Variants in STMN2 observed in about 807,000 individuals in gnomAD.
STMN2 encodes the protein stathmin 2.
In STMN2, 2 loss-of-function variants were observed where a neutral mutation model predicts 24.1. That is an observed-to-expected ratio of 0.08 (90% CI 0.03 to 0.26). The LOEUF (loss-of-function observed/expected upper bound fraction) is 0.26, where lower values mean the gene tolerates loss of function less well. Ranked by LOEUF, STMN2 falls within the 10% of genes least tolerant of loss-of-function variation. STMN2 has a pLI of 1.00. For synonymous variants in STMN2, 83 were observed against 77.5 expected, an observed-to-expected ratio of 1.07 and a Z score of -0.37; for missense variants, 114 against 213.6, an observed-to-expected ratio of 0.53 and a Z score of 2.91.
At chr8:79,645,937 C>T (rs1411828899) in intron 3 of STMN2, among the ~76,000 whole-genome samples, 1 of 152,090 alleles carries the variant, frequency 6.6e-6, no homozygotes, top group Non-Finnish European at 1.5e-5. Context: ...ATTATAAACT[C>T]CATGAAGATA....
intron 1 of STMN2, among the ~76,000 whole-genome samples, chr8:79,629,115 G>A (rs1229655163): frequency 2.6e-5 from 4 of 152,058 alleles, no homozygotes; most frequent in Non-Finnish European, 4.4e-5. Flanking sequence ...GGATGCTGAG[G>A]ATAATTACAC....
chr8:79,643,132 T>C (rs1810141636), intron 3 of STMN2, among the ~76,000 whole-genome samples: 1 of 107,466 alleles, frequency 9.3e-6, no homozygotes, highest in Non-Finnish European at 1.9e-5. Flanking sequence ...TTAATATTGG[T>C]GTGTGTATGT....
intron 3 of STMN2, among the ~76,000 whole-genome samples, chr8:79,649,027 C>G (rs1018760901): frequency 5.3e-5 from 8 of 152,126 alleles, no homozygotes; most frequent in Non-Finnish European, 1.0e-4. Flanking sequence ...AGTCACTAAG[C>G]CTCTGAAAGG....
chr8:79,637,218 A>ACTCCAATTAT (rs1422395476), intron 2 of STMN2, among the ~76,000 whole-genome samples: 1 of 152,256 alleles, frequency 6.6e-6, no homozygotes, highest in Admixed American at 6.5e-5. Flanking sequence ...TAATTGGAGT[A>ACTCCAATTAT]GATCATAATT....
intron 1 of STMN2, among the ~76,000 whole-genome samples, chr8:79,628,404 G>A (rs907034057): frequency 2.0e-5 from 3 of 152,118 alleles, no homozygotes; most frequent in Non-Finnish European, 4.4e-5. Context: ...GTCCACCTCA[G>A]ACTCCCAAAG....
intron 1 of STMN2, chr8:79,621,076 C>T: frequency 1.0e-6 from 1 of 955,850 alleles, no homozygotes; most frequent in Non-Finnish European, 1.2e-6. Context: ...TCAGCTCTGC[C>T]CTTCTCCACC....
At chr8:79,652,625 A>T (rs1810358117) in intron 3 of STMN2, among the ~76,000 whole-genome samples, 1 of 152,100 alleles carries the variant, frequency 6.6e-6, no homozygotes, top group Non-Finnish European at 1.5e-5. Flanking sequence ...TCCTTGTCAC[A>T]AGTGTCTTAA....
chr8:79,647,018 G>T (rs1430851787), intron 3 of STMN2, among the ~76,000 whole-genome samples: 3 of 152,040 alleles, frequency 2.0e-5, no homozygotes, highest in African/African-American at 4.8e-5. Flanking sequence ...AGGTTAGTGT[G>T]CAAACTCCAT....
chr8:79,664,602 C>T (rs1316244193), intron 4 of STMN2, among the ~76,000 whole-genome samples: 1 of 152,082 alleles, frequency 6.6e-6, no homozygotes, highest in Non-Finnish European at 1.5e-5. Context: ...TAGTTTTAAA[C>T]AAAAACAGTG....
intron 1 of STMN2, among the ~76,000 whole-genome samples, chr8:79,634,668 C>A (rs1809898129): frequency 6.6e-6 from 1 of 152,164 alleles, no homozygotes. Flanking sequence ...TGACTTTGGC[C>A]TCTGTGGGGC....
intron 2 of STMN2, among the ~76,000 whole-genome samples, chr8:79,639,760 A>G (rs1019372776): frequency 3.3e-5 from 5 of 152,230 alleles, no homozygotes; most frequent in African/African-American, 7.2e-5. Flanking sequence ...ATATGTATAC[A>G]TTAGAGAATG....
At chr8:79,633,423 A>G (rs1809863744) in intron 1 of STMN2, among the ~76,000 whole-genome samples, 1 of 152,238 alleles carries the variant, frequency 6.6e-6, no homozygotes, top group Non-Finnish European at 1.5e-5. Context: ...TCGAACAAGA[A>G]AGAACATTTT....
chr8:79,649,001 G>A (rs183501229), intron 3 of STMN2, among the ~76,000 whole-genome samples: 87 of 152,206 alleles, frequency 5.7e-4, no homozygotes, highest in African/African-American at 1.7e-3. Context: ...CTCATTACTG[G>A]CATAATCAGC....
intron 3 of STMN2, among the ~76,000 whole-genome samples, chr8:79,646,265 C>T (rs1433277426): frequency 1.3e-5 from 2 of 151,788 alleles, no homozygotes; most frequent in Non-Finnish European, 2.9e-5. Context: ...TTTGGCAGGC[C>T]CTGTTCTAGA....
intron 4 of STMN2, among the ~76,000 whole-genome samples, chr8:79,661,506 G>GTTGAACATGTCTGATGAACACTTACTA (rs1202965570): frequency 2.1e-4 from 32 of 151,978 alleles, no homozygotes; most frequent in Non-Finnish European, 4.1e-4. Flanking sequence ...ACCACTTACT[G>GTTGAACATGTCTGATGAACACTTACTA]TTGAACATGT....
intron 1 of STMN2, among the ~76,000 whole-genome samples, chr8:79,635,461 T>C (rs545411580): frequency 6.6e-6 from 1 of 152,350 alleles, no homozygotes; most frequent in East Asian, 1.9e-4. Flanking sequence ...TGCTTGTATG[T>C]TCATGGCAGC....
At chr8:79,664,448 T>C (rs944106574) in intron 4 of STMN2, among the ~76,000 whole-genome samples, 7 of 152,286 alleles carry the variant, frequency 4.6e-5, no homozygotes, top group Admixed American at 3.9e-4. Flanking sequence ...ATCAGGATTA[T>C]AAAGTCCTTA....
intron 1 of STMN2, among the ~76,000 whole-genome samples, chr8:79,626,747 C>G (rs1343022417): frequency 1.3e-5 from 2 of 152,166 alleles, no homozygotes; most frequent in African/African-American, 2.4e-5. Flanking sequence ...ACACACACTC[C>G]TATGTATGAG....
In STMN2 at chr8:79,664,645, G is replaced by T. The variant is rs530957114; in HGVS notation, c.481-170G>T. On this transcript the variant is annotated intron_variant, in intron 4 of 4. Coordinates refer to ENST00000220876, the MANE Select transcript of STMN2 (RefSeq NM_007029.4). ...TATTTTTTAAAACACAGTAAGTCTT[G>T]TAAGATCTTTTCTAACATGACATTT... Among the ~76,000 whole-genome samples the T allele has an allele frequency of 4.6e-5, 7 of 152,068 alleles. No homozygotes were observed. In the South Asian group the frequency reaches 8.3e-4, roughly 18 times the overall value.
Sources: gnomAD v4.1 joint callset for allele counts (sites outside exome capture counted in the v4.1 genomes callset) on GRCh38, gnomAD v4.1.1 for gene constraint, MANE v1.5 for transcripts, NCBI Gene and HGNC (gene_info 2026-07-23, HGNC 2026-07-21) for gene names.